PTGER3: variants seen among roughly 807,000 people sequenced by gnomAD.
PTGER3 encodes prostaglandin E receptor 3.
PTGER3 carries 22 observed loss-of-function variants against 34.7 expected under a neutral mutation model. The ratio of observed to expected loss-of-function variants is 0.63; its 90% CI spans 0.45 to 0.91. The LOEUF is 0.91. PTGER3 is among the 40% of genes least tolerant of loss of function. The pLI, the probability that PTGER3 is intolerant of heterozygous loss-of-function variation, is 0.00. For synonymous variants in PTGER3, 241 were observed against 230.1 expected (o/e 1.05, Z -0.43); for missense variants, 468 against 519.4 (o/e 0.90, Z 0.96).
At chr1:70,971,978 GAAAT>G (rs1156285053) in intron 3 of PTGER3, among the ~76,000 whole-genome samples, 1 of 152,074 alleles carries the variant, frequency 6.6e-6, no homozygotes, top group African/African-American at 2.4e-5. Context: ...AGTCTAAAAA[GAAAT>G]AAGGAAGAAT....
In PTGER3 at chr1:70,999,505, C is replaced by G. The variant is rs546535600; in HGVS notation, c.1077+12800G>C. Reference sequence around the variant, plus strand: ...TCTGAAAGACAAAATGTGCTCCACTCAAACTGCATTGTATTTTACCAGAAG... The same window carrying G: ...TCTGAAAGACAAAATGTGCTCCACTGAAACTGCATTGTATTTTACCAGAAG... On this transcript the variant is annotated intron_variant, in intron 2 of 3. Transcript: ENST00000306666. 3.9e-5 allele frequency among the ~76,000 whole-genome samples: 6 copies of G among 152,300 alleles called. No individual in the cohort carries two copies. In the South Asian group the frequency reaches 1.2e-3, roughly 32 times the overall value.
At chr1:70,955,769 T>A (rs1007248763) in intron 2 of PTGER3, among the ~76,000 whole-genome samples, 3 of 152,200 alleles carry the variant, frequency 2.0e-5, no homozygotes, top group Non-Finnish European at 2.9e-5. Context: ...TCTTGCTTGA[T>A]ATATATTTGG....
intron 1 of PTGER3, among the ~76,000 whole-genome samples, chr1:71,029,652 G>A (rs773502029): frequency 3.3e-5 from 5 of 152,106 alleles, no homozygotes; most frequent in Admixed American, 1.3e-4. Context: ...ATGGCCGGGC[G>A]TGATGGCTCA....
At chr1:70,874,497 G>A (rs1489089176) in intron 4 of PTGER3, among the ~76,000 whole-genome samples, 4 of 152,008 alleles carry the variant, frequency 2.6e-5, no homozygotes, top group Non-Finnish European at 4.4e-5. Flanking sequence ...TTGTTTTTAT[G>A]TCATTGGTTT....
chr1:70,880,382 CT>C (rs57067363), intron 4 of PTGER3, among the ~76,000 whole-genome samples: 376 of 140,084 alleles, frequency 2.7e-3, no homozygotes, highest in Middle Eastern at 7.7e-3. Context: ...TTTCTTTTTT[CT>C]TTTTTTTTTT....
intron 2 of PTGER3, among the ~76,000 whole-genome samples, chr1:70,999,403 T>G (rs908909541): frequency 1.3e-5 from 2 of 152,176 alleles, no homozygotes; most frequent in African/African-American, 2.4e-5. Context: ...GAATAAAATA[T>G]CAAATGCATC....
chr1:70,895,455 AT>A (rs775115137), intron 4 of PTGER3, among the ~76,000 whole-genome samples: 20 of 152,202 alleles, frequency 1.3e-4, no homozygotes, highest in Admixed American at 1.3e-4. Context: ...GTTACTTTTC[AT>A]GGTATACAAC....
chr1:70,876,954 A>G (rs955592177), intron 4 of PTGER3, among the ~76,000 whole-genome samples: 1 of 152,204 alleles, frequency 6.6e-6, no homozygotes, highest in Non-Finnish European at 1.5e-5. Flanking sequence ...TTTTGGCTCC[A>G]TATGAATTTT....
intron 2 of PTGER3, among the ~76,000 whole-genome samples, chr1:70,999,131 C>T (rs1360440848): frequency 6.6e-6 from 1 of 152,152 alleles, no homozygotes; most frequent in Non-Finnish European, 1.5e-5. Context: ...GAACTGTTGA[C>T]TATTGTCACA....
intron 4 of PTGER3, among the ~76,000 whole-genome samples, chr1:70,897,674 C>T (rs1021405828): frequency 1.3e-5 from 2 of 152,146 alleles, no homozygotes; most frequent in Non-Finnish European, 2.9e-5. Flanking sequence ...CAGCCAAGGT[C>T]CATCACTTCA....
At position 70,978,009 on chromosome 1, in the gene PTGER3, G is replaced by A. The variant is rs562310649; in HGVS notation, c.1078-3621C>T. On this transcript the variant is annotated intron_variant, in intron 2 of 3. Coordinates refer to ENST00000306666, the MANE Select transcript of PTGER3 (RefSeq NM_198719.2). ...ATAATTCATTTAATTATTTGTAATC[G>A]GTACTCTTATCATCTTCACTTGAGA... Among the ~76,000 whole-genome samples the A allele has an allele frequency of 7.9e-5, 12 of 152,010 alleles. No individual in the cohort carries two copies. In the South Asian group the frequency reaches 2.3e-3, roughly 29 times the overall value.
At chr1:71,036,951 T>A (rs1173848331) in intron 1 of PTGER3, among the ~76,000 whole-genome samples, 4 of 151,946 alleles carry the variant, frequency 2.6e-5, no homozygotes, top group East Asian at 3.9e-4. Flanking sequence ...TGGCCTGAGG[T>A]CAGCAGCCCT....
At chr1:70,881,425 G>A (rs904991945) in intron 4 of PTGER3, among the ~76,000 whole-genome samples, 1 of 152,166 alleles carries the variant, frequency 6.6e-6, no homozygotes, top group African/African-American at 2.4e-5. Flanking sequence ...GGTCATTGCA[G>A]CCAGGTTAAC....
chr1:71,024,873 T>TTTTA (rs139278168), intron 1 of PTGER3, among the ~76,000 whole-genome samples: 222 of 145,004 alleles, frequency 1.5e-3, no homozygotes, highest in Middle Eastern at 7.1e-3. Context: ...TACTTGATTC[T>TTTTA]TTTATTTATT....
Position 71,047,027 on chromosome 1 carries a change from G to A in PTGER3, c.551C>T (p.Ala184Val), listed in dbSNP as rs1332080890. ...CGGCAGCAGGGCGAAGGCGAGCACG[G>A]CCAGCCACACGCCGAGCAGCACAGC... ...TRAVLLGVWL[A>V]VLAFALLPVL... The change falls in exon 1 of 4, where the codon GCC becomes GTC. Residue 184 changes from alanine to valine, a missense_variant. Ala to Val is a moderately conservative substitution (Grantham distance 64). This residue lies in a region of PTGER3 where 204 missense variants were observed against 230.8 expected (regional missense o/e 0.88). Coordinates refer to ENST00000306666, the MANE Select transcript of PTGER3 (RefSeq NM_198719.2). 6.2e-7 allele frequency: 1 copy of A among 1,610,832 alleles called. No individual in the cohort carries two copies. The highest frequency in any genetic ancestry group is 8.5e-7 in the Non-Finnish European group (1 of 1,178,936).
chr1:70,853,081 T>TA (rs1189937074), intron 4 of PTGER3, among the ~76,000 whole-genome samples: 5 of 152,122 alleles, frequency 3.3e-5, no homozygotes, highest in Non-Finnish European at 7.4e-5. Context: ...ACTCGGGGTG[T>TA]AAAAAATTTT....
chr1:71,010,522 T>C, intron 2 of PTGER3: 1 of 984,496 alleles, frequency 1.0e-6, no homozygotes, highest in Non-Finnish European at 1.2e-6. Context: ...AAATTCACAT[T>C]GCCTCTGTGT....
intron 4 of PTGER3, among the ~76,000 whole-genome samples, chr1:70,870,638 A>T (rs1171746644): frequency 6.6e-6 from 1 of 152,214 alleles, no homozygotes; most frequent in Non-Finnish European, 1.5e-5. Flanking sequence ...CTCAGACCAC[A>T]TCTTGAACAA....
At chr1:71,022,680 C>T (rs1445403638) in intron 1 of PTGER3, among the ~76,000 whole-genome samples, 1 of 151,518 alleles carries the variant, frequency 6.6e-6, no homozygotes, top group Non-Finnish European at 1.5e-5. Context: ...AATTCATTCT[C>T]TAGTCAGTGC....
Sources: allele counts gnomAD v4.1 joint callset (sites outside exome capture counted in the v4.1 genomes callset), GRCh38; gene constraint gnomAD v4.1.1; regional missense constraint gnomAD v4.1.1; transcripts MANE v1.5; gene names NCBI Gene and HGNC (gene_info 2026-07-23, HGNC 2026-07-21).